The following METTL24 variants were observed in gnomAD, a reference collection of about 807,000 sequenced individuals.
METTL24 encodes the protein methyltransferase like 24.
Under a neutral mutation model 32.7 loss-of-function variants are expected in METTL24, and 29 were observed. The observed-to-expected ratio is 0.89, with a 90% CI of 0.66 to 1.21. The LOEUF (loss-of-function observed/expected upper bound fraction) is 1.21, where lower values mean the gene tolerates loss of function less well. METTL24 is among the 50% of genes most tolerant of loss of function. METTL24 has a pLI of 0.00. For missense variants in METTL24, 439 were observed against 468.1 expected (o/e 0.94, Z 0.57); for synonymous variants, 163 against 179.5 (o/e 0.91, Z 0.73).
Position 110,245,495 on chromosome 6 carries a change from T to C in METTL24, c.*451A>G, listed in dbSNP as rs903858294. On this transcript the variant is annotated 3_prime_UTR_variant, in exon 5 of 5. Transcript: ENST00000338882. Reference sequence around the variant, plus strand: ...GAAATCTACAAGGTTGTAAAGAATATCATTAACAAGGTAAATAAGAAAAAC... The same window carrying C: ...GAAATCTACAAGGTTGTAAAGAATACCATTAACAAGGTAAATAAGAAAAAC... Among the ~76,000 whole-genome samples the C allele has an allele frequency of 7.2e-5, 11 of 152,152 alleles. No individual in the cohort carries two copies. The highest frequency in any genetic ancestry group is 1.5e-4 in the Non-Finnish European group (10 of 68,020).
In METTL24 at chr6:110,349,139, G is replaced by A. The variant is rs79925410; in HGVS notation, c.318+8816C>T. ...GTCCATTTAGACACGGATGATTGAA[G>A]GGTTACTATACTGTGGTGACCGCTG... On this transcript the variant is annotated intron_variant, in intron 1 of 4. Coordinates refer to ENST00000338882, the MANE Select transcript of METTL24 (RefSeq NM_001123364.3). Among the ~76,000 whole-genome samples, 808 of 152,272 alleles carry A rather than the reference G, an allele frequency of 5.3e-3. 2 individuals carry two copies. Among genetic ancestry groups the A allele is most frequent in the Admixed American group, 0.016 (248 of 15,288 alleles).
At chr6:110,335,207 G>C (rs768590206) in intron 1 of METTL24, among the ~76,000 whole-genome samples, 2 of 152,202 alleles carry the variant, frequency 1.3e-5, no homozygotes, top group Non-Finnish European at 2.9e-5. Context: ...GATTGGGTTT[G>C]CTGCTGTGGA....
intron 4 of METTL24, among the ~76,000 whole-genome samples, chr6:110,262,860 G>A (rs890770177): frequency 2.6e-5 from 4 of 152,018 alleles, no homozygotes; most frequent in Non-Finnish European, 5.9e-5. Context: ...CAGAACCAAC[G>A]ACAAAAACCA....
At chr6:110,322,544 A>G (rs924390308) in intron 2 of METTL24, among the ~76,000 whole-genome samples, 1 of 152,226 alleles carries the variant, frequency 6.6e-6, no homozygotes, top group Non-Finnish European at 1.5e-5. Context: ...AATCATTTAA[A>G]CATTTCAGGT....
intron 1 of METTL24, among the ~76,000 whole-genome samples, chr6:110,328,963 A>AG (rs1355083766): frequency 6.6e-6 from 1 of 152,270 alleles, no homozygotes; most frequent in African/African-American, 2.4e-5. Flanking sequence ...TGCCACCATC[A>AG]GCTTGACAAG....
chr6:110,346,176 G>A (rs542885237), intron 1 of METTL24, among the ~76,000 whole-genome samples: 1 of 152,280 alleles, frequency 6.6e-6, no homozygotes, highest in Admixed American at 6.5e-5. Context: ...TTCAAGTAGC[G>A]CTTGAAAGAT....
At position 110,245,726 on chromosome 6, in the gene METTL24, G is replaced by C. The variant is rs1778143196; in HGVS notation, c.*220C>G. On this transcript the variant is annotated 3_prime_UTR_variant, in exon 5 of 5. Coordinates refer to ENST00000338882, the MANE Select transcript of METTL24 (RefSeq NM_001123364.3). Reference sequence around the variant, plus strand: ...AATCTTCCAAGTTAAGGTGAAGGAAGAGTCTGGGCAAATAGGGGTGACTGT... The same window carrying C: ...AATCTTCCAAGTTAAGGTGAAGGAACAGTCTGGGCAAATAGGGGTGACTGT... 6.6e-6 allele frequency among the ~76,000 whole-genome samples: 1 copy of C among 152,188 alleles called. No individual in the cohort carries two copies. The highest frequency in any genetic ancestry group is 2.4e-5 in the African/African-American group (1 of 41,432).
At chr6:110,264,974 G>A (rs1342270717) in intron 4 of METTL24, among the ~76,000 whole-genome samples, 1 of 151,988 alleles carries the variant, frequency 6.6e-6, no homozygotes, top group Non-Finnish European at 1.5e-5. Context: ...GCCTGTTGTG[G>A]GGTGGGGGTA....
chr6:110,332,646 G>T, intron 1 of METTL24: 1 of 200,048 alleles, frequency 5.0e-6, no homozygotes, highest in Non-Finnish European at 8.9e-6. Flanking sequence ...GGTGGTTCAG[G>T]CCTGTAATCC....
At chr6:110,315,783 G>A (rs1345893901) in intron 2 of METTL24, among the ~76,000 whole-genome samples, 2 of 152,156 alleles carry the variant, frequency 1.3e-5, no homozygotes, top group Non-Finnish European at 2.9e-5. Context: ...AAGGTGGGAG[G>A]AGCGGCTGTG....
rs567698134 is a variant in METTL24 at position 110,334,596 on chromosome 6, G to C, written c.319-11724C>G. On this transcript the variant is annotated intron_variant, in intron 1 of 4. Transcript: ENST00000338882. ...TCTGCCACGAGTAGACAGGCCCAGG[G>C]GTTGGGGGATGGGGGAGAGCAAAGC... is the stretch of plus-strand genomic sequence containing the variant. Among the ~76,000 whole-genome samples, 371 of 152,298 alleles carry C rather than the reference G, an allele frequency of 2.4e-3. 2 individuals carry two copies. Among genetic ancestry groups the C allele is most frequent in the African/African-American group, 8.7e-3 (362 of 41,576 alleles).
At chr6:110,335,527 C>A (rs902401320) in intron 1 of METTL24, among the ~76,000 whole-genome samples, 1 of 142,382 alleles carries the variant, frequency 7.0e-6, no homozygotes, top group African/African-American at 2.6e-5. Context: ...CAATTTCAAG[C>A]TTTAAATTTT....
rs145227216 is a variant in METTL24, at chr6:110,346,479, T to C, written c.318+11476A>G. On this transcript the variant is annotated intron_variant, in intron 1 of 4. Transcript: ENST00000338882. Reference sequence around the variant, plus strand: ...TACAGTGTAATAAGCAGTTCCTTTGTCCCTATATTATTCTCTCTCTCTCTC... The same window carrying C: ...TACAGTGTAATAAGCAGTTCCTTTGCCCCTATATTATTCTCTCTCTCTCTC... Among the ~76,000 whole-genome samples, 359 of 149,358 alleles carry C rather than the reference T, an allele frequency of 2.4e-3. 1 individual carries two copies. Among genetic ancestry groups the C allele is most frequent in the African/African-American group, 8.5e-3 (346 of 40,630 alleles).
intron 3 of METTL24, among the ~76,000 whole-genome samples, chr6:110,302,373 A>G (rs114213625): frequency 0.029 from 4,355 of 150,358 alleles, 135 homozygotes; most frequent in East Asian, 0.11. Context: ...CTTCCTCTGA[A>G]TTGTCAGAAT....
intron 4 of METTL24, among the ~76,000 whole-genome samples, chr6:110,251,653 T>C (rs1293043492): frequency 6.6e-6 from 1 of 152,166 alleles, no homozygotes; most frequent in Non-Finnish European, 1.5e-5. Context: ...AAGTTCAAGG[T>C]TGGCAGGTTT....
At chr6:110,318,882 G>A (rs147713811) in intron 2 of METTL24, among the ~76,000 whole-genome samples, 10 of 152,280 alleles carry the variant, frequency 6.6e-5, no homozygotes, top group African/African-American at 2.4e-4. Flanking sequence ...CAAAATAAGT[G>A]AGGGCAGTAA....
At position 110,244,774 on chromosome 6, in the gene METTL24, G is replaced by A. The variant is rs147094502; in HGVS notation, c.*1172C>T. ...TCTCACCAGGTCCCTCCCACAACAC[G>A]TGGGGATTATGGGAACTACAATTCA... On this transcript the variant is annotated 3_prime_UTR_variant, in exon 5 of 5. Coordinates refer to ENST00000338882, the MANE Select transcript of METTL24 (RefSeq NM_001123364.3). Among the ~76,000 whole-genome samples, 9,444 of 152,160 alleles carry A rather than the reference G, an allele frequency of 0.062. 369 individuals are homozygous for A. Among genetic ancestry groups the A allele is most frequent in the South Asian group, 0.16 (763 of 4,808 alleles).
At chr6:110,263,109 G>C (rs543800027) in intron 4 of METTL24, among the ~76,000 whole-genome samples, 177 of 152,318 alleles carry the variant, frequency 1.2e-3, no homozygotes, top group African/African-American at 4.1e-3. Flanking sequence ...AGTGTTGGAA[G>C]TTCTGGCCAG....
chr6:110,302,424 T>C (rs1050157398), intron 3 of METTL24, among the ~76,000 whole-genome samples: 2 of 146,404 alleles, frequency 1.4e-5, no homozygotes, highest in Non-Finnish European at 3.0e-5. Flanking sequence ...TATACACATA[T>C]ACACACACAT....
Sources: allele counts gnomAD v4.1 joint callset (sites outside exome capture counted in the v4.1 genomes callset), GRCh38; gene constraint gnomAD v4.1.1; transcripts MANE v1.5; gene names NCBI Gene and HGNC (gene_info 2026-07-23, HGNC 2026-07-21).